TRAK2: variants seen among roughly 807,000 people sequenced by gnomAD.
The protein encoded by TRAK2 is trafficking kinesin protein 2.
TRAK2 carries 81 observed loss-of-function variants against 104.6 expected under a neutral mutation model. The ratio of observed to expected loss-of-function variants is 0.77; its 90% CI spans 0.65 to 0.93. The LOEUF (loss-of-function observed/expected upper bound fraction) is 0.93, where lower values mean the gene tolerates loss of function less well. Among genes scored for constraint, TRAK2 ranks in the 40% least tolerant of loss-of-function variants. The pLI is 0.00. For missense variants in TRAK2, 1,002 were observed against 1,089.0 expected (o/e 0.92, Z 1.12); for synonymous variants, 406 against 394.4 (o/e 1.03, Z -0.35).
intron 2 of TRAK2, chr2:201,410,799 G>T: frequency 6.2e-7 from 1 of 1,606,372 alleles, no homozygotes; most frequent in Non-Finnish European, 8.5e-7. Flanking sequence ...GTTTCTGAGG[G>T]CCAAAGAGAT....
chr2:201,446,782 C>A (rs893716070), intron 1 of TRAK2, among the ~76,000 whole-genome samples: 1 of 152,162 alleles, frequency 6.6e-6, no homozygotes, highest in South Asian at 2.1e-4. Context: ...GTGTCAGCAC[C>A]ATAAAAGTGT....
chr2:201,397,213 T>C (rs1951510079), intron 7 of TRAK2, among the ~76,000 whole-genome samples: 1 of 152,206 alleles, frequency 6.6e-6, no homozygotes, highest in South Asian at 2.1e-4. Context: ...TATTTCCTCA[T>C]CAACAATATG....
At chr2:201,401,188 C>T (rs1242244524) in intron 3 of TRAK2, 94 bp from the exon 4 acceptor site, 3 of 749,180 alleles carry the variant, frequency 4.0e-6, no homozygotes, top group African/African-American at 3.7e-5. Flanking sequence ...AACAAAAACC[C>T]CAGCCTTTTA....
chr2:201,448,729 C>A (rs1312980745), intron 1 of TRAK2, among the ~76,000 whole-genome samples: 1 of 152,140 alleles, frequency 6.6e-6, no homozygotes, highest in Non-Finnish European at 1.5e-5. Context: ...GAGAATAACA[C>A]TTCTCTGCTC....
chr2:201,440,326 G>A (rs1437537329), intron 1 of TRAK2, among the ~76,000 whole-genome samples: 1 of 151,764 alleles, frequency 6.6e-6, no homozygotes, highest in African/African-American at 2.4e-5. Flanking sequence ...TTTCTAACTC[G>A]CTGTTGGCTG....
At chr2:201,434,615 C>T (rs978379356) in intron 1 of TRAK2, among the ~76,000 whole-genome samples, 3 of 152,004 alleles carry the variant, frequency 2.0e-5, no homozygotes, top group Non-Finnish European at 4.4e-5. Context: ...GATTTATACC[C>T]TAAAATCATG....
At chr2:201,421,191 T>C (rs1209654694) in intron 1 of TRAK2, among the ~76,000 whole-genome samples, 2 of 152,030 alleles carry the variant, frequency 1.3e-5, no homozygotes, top group Non-Finnish European at 2.9e-5. Flanking sequence ...TATGTAGAAG[T>C]AGAATGTTTT....
chr2:201,398,351 T>C lies in TRAK2; in HGVS notation c.484A>G (p.Asn162Asp). The change falls in exon 6 of 16, where the codon AAT becomes GAT. Residue 162 changes from asparagine to aspartate, a missense_variant. Physicochemically the swap from Asn to Asp is conservative, Grantham distance 23. Transcript: ENST00000332624. The stretch of plus-strand genomic sequence containing the variant: ...TTGCATAGCTCATGCTGCAGCTGAT[T>C]AACCTGTCCATATAAAATGCTTGAT... The part of the protein sequence containing the change: ...EQLGQAFDQV[N>D]QLQHELCKKD... 1 of 1,611,912 alleles carries C rather than the reference T, an allele frequency of 6.2e-7. No individual in the cohort carries two copies. The highest frequency in any genetic ancestry group is 8.5e-7 in the Non-Finnish European group (1 of 1,178,344).
chr2:201,422,794 G>C (rs1951753553), intron 1 of TRAK2, among the ~76,000 whole-genome samples: 1 of 152,110 alleles, frequency 6.6e-6, no homozygotes, highest in Non-Finnish European at 1.5e-5. Flanking sequence ...GAGATGCTAA[G>C]AGTGGAGTTT....
intron 3 of TRAK2, among the ~76,000 whole-genome samples, chr2:201,401,760 A>G (rs1382274119): frequency 1.3e-5 from 2 of 152,130 alleles, no homozygotes; most frequent in African/African-American, 2.4e-5. Context: ...TCACAAGTTC[A>G]GGAATTGTCA....
At chr2:201,397,875 T>C (rs1951515998) in intron 6 of TRAK2, 1 of 555,994 alleles carries the variant, frequency 1.8e-6, no homozygotes, top group Admixed American at 3.1e-5. Flanking sequence ...GTTATCACAG[T>C]TGTAACTACT....
In TRAK2 at chr2:201,384,024, A is replaced by G. The variant is rs183489637; in HGVS notation, c.2069+87T>C. 3.6e-6 allele frequency: 3 copies of G among 834,632 alleles called. No homozygotes were observed. The African/African-American group carries it at 5.2e-5, about 14-fold the overall frequency. 51.7% of individuals were successfully genotyped at this position (834,632 alleles called of 1,614,324 possible). A position where few individuals can be genotyped will look rare whatever the true frequency, so the allele number is the denominator to read the frequency against. The stretch of plus-strand genomic sequence containing the variant: ...CAGAACATTAATTAACATTCTGGAA[A>G]TTAAAATGAAGGTAATTTTAAAAAG... On this transcript the variant is annotated intron_variant, in intron 15 of 15. Transcript: ENST00000332624.
chr2:201,433,673 T>A (rs1490893469), intron 1 of TRAK2: 1 of 152,154 alleles, frequency 6.6e-6, no homozygotes, highest in Non-Finnish European at 1.5e-5. Flanking sequence ...GGCGGTAACC[T>A]CTGGCAGCTA....
chr2:201,431,186 C>CT (rs1329584170), intron 1 of TRAK2, among the ~76,000 whole-genome samples: 2 of 152,232 alleles, frequency 1.3e-5, no homozygotes. Flanking sequence ...CTTCATGGGT[C>CT]TGAGGAAGGT....
intron 2 of TRAK2, chr2:201,412,571 C>G: frequency 7.4e-7 from 1 of 1,358,134 alleles, no homozygotes; most frequent in Non-Finnish European, 1.1e-6. Flanking sequence ...GAATATATAT[C>G]ACTGACTGTT....
At chr2:201,410,456 T>C in intron 2 of TRAK2, 1 of 634,794 alleles carries the variant, frequency 1.6e-6, no homozygotes, top group South Asian at 1.9e-5. Context: ...CACTGTCCCA[T>C]AGAAGTAGTT....
intron 1 of TRAK2, among the ~76,000 whole-genome samples, chr2:201,445,942 T>C (rs569083673): frequency 6.6e-6 from 1 of 152,336 alleles, no homozygotes; most frequent in Admixed American, 6.5e-5. Flanking sequence ...CATTTACGCA[T>C]GGATTATTTT....
intron 11 of TRAK2, 138 bp downstream of exon 11, chr2:201,389,663 A>G (rs1445324017): frequency 9.3e-7 from 1 of 1,076,582 alleles, no homozygotes; most frequent in Non-Finnish European, 1.4e-6. Context: ...TCTCTCACAA[A>G]AAAAGGACAC....
At position 201,399,473 on chromosome 2, in the gene TRAK2, G is replaced by A. The variant is rs1434500966; in HGVS notation, c.384C>T (p.Leu128=). 1.1e-5 allele frequency: 18 copies of A among 1,612,324 alleles called. No homozygotes were observed. The highest frequency in any genetic ancestry group is 4.5e-5 in the East Asian group (2 of 44,868). ...AGAGAGCTTGTCCAATTCGAGCAGC[G>A]AGTTCCAGATCACGATCCCTCTGTT... ...LLAERDRDLE[L]AARIGQALLK... is the part of the protein sequence containing the mutation. The change falls in exon 5 of 16, where the codon CTC becomes CTT. Residue 128 remains leucine, a synonymous_variant. Coordinates refer to ENST00000332624, the MANE Select transcript of TRAK2 (RefSeq NM_015049.3).
Sources: allele counts gnomAD v4.1 joint callset (sites outside exome capture counted in the v4.1 genomes callset), GRCh38; gene constraint gnomAD v4.1.1; transcripts MANE v1.5; gene names NCBI Gene and HGNC (gene_info 2026-07-23, HGNC 2026-07-21).